Variants in ZNF217 observed in about 807,000 individuals in gnomAD.
ZNF217 encodes zinc finger protein 217.
Under a neutral mutation model 73.3 loss-of-function variants are expected in ZNF217, and 12 were observed. That is an observed-to-expected ratio of 0.16 (90% CI 0.10 to 0.27). ZNF217 has a LOEUF of 0.27. Among genes scored for constraint, ZNF217 ranks in the 10% least tolerant of loss-of-function variants. The pLI, the probability that ZNF217 is intolerant of heterozygous loss-of-function variation, is 1.00. For synonymous variants in ZNF217, 588 were observed against 516.4 expected, an observed-to-expected ratio of 1.14 and a Z score of -1.88; for missense variants, 1,195 against 1,327.8, an observed-to-expected ratio of 0.90 and a Z score of 1.55.
At chr20:53,580,751 C>G (rs1988450989) in intron 2 of ZNF217, among the ~76,000 whole-genome samples, 1 of 152,112 alleles carries the variant, frequency 6.6e-6, no homozygotes, top group Admixed American at 6.5e-5. Flanking sequence ...CCTGAGGTAC[C>G]TATAAATGGA....
In ZNF217 at chr20:53,581,256, C is replaced by G. The variant is rs1457126305; in HGVS notation, c.1366+205G>C. 2.0e-5 allele frequency among the ~76,000 whole-genome samples: 3 copies of G among 151,916 alleles called. No homozygotes were observed. The highest frequency in any genetic ancestry group is 4.4e-5 in the Non-Finnish European group (3 of 67,974). On this transcript the variant is annotated intron_variant, in intron 2 of 5. Coordinates refer to ENST00000371471, the MANE Select transcript of ZNF217 (RefSeq NM_006526.3). The surrounding 1 kb of genome is among the most constrained non-coding windows in gnomAD (Gnocchi z 4.9). ...GAACAAGGAGACCTCTTAACTCAAC[C>G]CTGTTATTACAGAAATGAGAAAATT...
chr20:53,576,133 G>A lies in ZNF217; in HGVS notation c.2631C>T (p.Asn877=), dbSNP rs756061380. 6.2e-7 allele frequency: 1 copy of A among 1,614,226 alleles called. No individual in the cohort carries two copies. Among genetic ancestry groups the A allele is most frequent in the African/African-American group, 1.3e-5 (1 of 75,052 alleles). ...APSQPTLGSS[N]INGSIDYPAK... ...CGGGGTAGTCGATGGAACCATTGAT[G>A]TTACTGCTGCCGAGGGTGGGCTGAG... is the stretch of plus-strand genomic sequence containing the variant. The change falls in exon 4 of 6, where the codon AAC becomes AAT. Residue 877 remains asparagine (N), a synonymous_variant. Coordinates refer to ENST00000371471, the MANE Select transcript of ZNF217 (RefSeq NM_006526.3).
At chr20:53,577,462 C>T (rs957993057) in intron 3 of ZNF217, among the ~76,000 whole-genome samples, 182 bp from the exon 4 acceptor site, 5 of 152,172 alleles carry the variant, frequency 3.3e-5, no homozygotes, top group African/African-American at 1.2e-4. Flanking sequence ...ATTATGAATG[C>T]CTATCTTCAA....
chr20:53,582,072 T>G lies in ZNF217; in HGVS notation c.755A>C (p.Asp252Ala). 1 of 1,614,086 alleles carries G rather than the reference T, an allele frequency of 6.2e-7. No individual in the cohort carries two copies. The highest frequency in any genetic ancestry group is 8.5e-7 in the Non-Finnish European group (1 of 1,180,010). Residue 252 changes from aspartate (D) to alanine (A), a missense_variant, in exon 2 of 6, where the codon GAC becomes GCC. This residue lies in a region of ZNF217 where 126 missense variants were observed against 114.4 expected (regional missense o/e 1.10). Transcript: ENST00000371471. The surrounding 1 kb of genome is among the most constrained non-coding windows in gnomAD (Gnocchi z 4.8). ...GGACGGCATTCCTCCTTGTGGAGAG[T>G]CTGTCTGCGCGCTGCTGGTACCGAA... ...TAFGTSSAQT[D>A]SPQGGMPSSR...
Position 53,576,093 on chromosome 20 carries a change from G to A in ZNF217, c.2671C>T (p.Pro891Ser), listed in dbSNP as rs960317757. ...TAGTCTCTTCCCGGAGGTGCCCACGGGCTGTCGTTCTTGGCGGGGTAGTCG... is the reference window on the plus strand; with the variant it reads ...TAGTCTCTTCCCGGAGGTGCCCACGAGCTGTCGTTCTTGGCGGGGTAGTCG... ...SIDYPAKNDS[P>S]WAPPGRDYFC... The change falls in exon 4 of 6, where the codon CCG (proline) becomes TCG (serine). Residue 891 changes from proline (P) to serine (S), a missense_variant. By Grantham distance (74) the Pro-to-Ser change is moderately conservative. Coordinates refer to ENST00000371471, the MANE Select transcript of ZNF217 (RefSeq NM_006526.3). 6.2e-7 allele frequency: 1 copy of A among 1,614,184 alleles called. No individual in the cohort carries two copies. Among genetic ancestry groups the A allele is most frequent in the Non-Finnish European group, 8.5e-7 (1 of 1,180,038 alleles).
At chr20:53,579,362 T>C (rs1345870956) in intron 2 of ZNF217, among the ~76,000 whole-genome samples, 1 of 152,200 alleles carries the variant, frequency 6.6e-6, no homozygotes, top group Non-Finnish European at 1.5e-5. Context: ...TGATGATCTA[T>C]ATAGTGTCTA....
chr20:53,593,002 A>G (rs1295213488), intron 1 of ZNF217, among the ~76,000 whole-genome samples: 1 of 151,882 alleles, frequency 6.6e-6, no homozygotes, highest in Non-Finnish European at 1.5e-5. Context: ...GAACATTAAG[A>G]CTTAAAAAAA....
At chr20:53,592,180 G>A (rs1195700946) in intron 1 of ZNF217, among the ~76,000 whole-genome samples, 2 of 152,176 alleles carry the variant, frequency 1.3e-5, no homozygotes, top group Non-Finnish European at 2.9e-5. Context: ...TAGCTACGCT[G>A]TAGGACACAC....
At chr20:53,593,285 C>G (rs548140224) in intron 1 of ZNF217, among the ~76,000 whole-genome samples, 2 of 152,280 alleles carry the variant, frequency 1.3e-5, no homozygotes, top group East Asian at 3.9e-4. Flanking sequence ...ATTGTTTTGG[C>G]CGCTTCCAAC....
intron 1 of ZNF217, among the ~76,000 whole-genome samples, chr20:53,592,045 G>A (rs1225760319): frequency 1.3e-5 from 2 of 152,230 alleles, no homozygotes; most frequent in African/African-American, 4.8e-5. Context: ...TTAATCTCAT[G>A]TCAAGTCATT....
At chr20:53,573,593 G>A (rs760858370) in intron 4 of ZNF217, among the ~76,000 whole-genome samples, 2 of 152,090 alleles carry the variant, frequency 1.3e-5, no homozygotes, top group Non-Finnish European at 2.9e-5. Flanking sequence ...CAAACAGTTC[G>A]GATTACAGGT....
At position 53,576,275 on chromosome 20, in the gene ZNF217, T is replaced by C; in HGVS notation, c.2489A>G (p.Gln830Arg). The change falls in exon 4 of 6, where the codon CAA (glutamine) becomes CGA (arginine). Residue 830 changes from glutamine (Q) to arginine (R), a missense_variant. Around this residue, in one of 9 missense-constraint regions of ZNF217, gnomAD observed 649 missense variants for 642.8 expected, o/e 1.01. Coordinates refer to ENST00000371471, the MANE Select transcript of ZNF217 (RefSeq NM_006526.3). ...SHRPQQNVGV[Q>R]GAATRQQQSE... The stretch of plus-strand genomic sequence containing the variant: ...TTGCTGTTGCCTGGTGGCGGCCCCT[T>C]GGACCCCCACATTCTGCTGTGGTCT... 6.2e-7 allele frequency: 1 copy of C among 1,614,258 alleles called. No homozygotes were observed. Among genetic ancestry groups the C allele is most frequent in the Non-Finnish European group, 8.5e-7 (1 of 1,180,044 alleles).
At chr20:53,584,493 G>C (rs1988618557) in intron 1 of ZNF217, among the ~76,000 whole-genome samples, 1 of 152,216 alleles carries the variant, frequency 6.6e-6, no homozygotes, top group Non-Finnish European at 1.5e-5. Context: ...TCAAGGATTA[G>C]GGTAAAGGAA....
In ZNF217 at chr20:53,582,110, G is replaced by A. The variant is rs757476321; in HGVS notation, c.717C>T (p.Thr239=). The change falls in exon 2 of 6, where the codon ACC becomes ACT. Residue 239 remains threonine, a synonymous_variant. Coordinates refer to ENST00000371471, the MANE Select transcript of ZNF217 (RefSeq NM_006526.3). This position sits in a 1 kb window ranked among gnomAD's most constrained non-coding sequence, Gnocchi z 4.8. ...TGCTGGTACCGAAAGCAGTTTTTTT[G>A]GTGTGCACCTTGCGGTGCTCAATTA... The part of the protein sequence containing the change: ...ESLIEHRKVH[T]KKTAFGTSSA... 3 of 1,614,132 alleles carry A rather than the reference G, an allele frequency of 1.9e-6. No homozygotes were observed. The highest frequency in any genetic ancestry group is 1.7e-5 in the Admixed American group (1 of 60,014).
intron 1 of ZNF217, among the ~76,000 whole-genome samples, chr20:53,587,239 A>T (rs147543861): frequency 1.6e-4 from 25 of 152,318 alleles, no homozygotes; most frequent in African/African-American, 5.8e-4. Context: ...TAGAAGTGTG[A>T]TGTTCTTTAG....
intron 4 of ZNF217, among the ~76,000 whole-genome samples, chr20:53,573,287 C>T (rs1321177583): frequency 6.6e-6 from 1 of 152,112 alleles, no homozygotes; most frequent in African/African-American, 2.4e-5. Flanking sequence ...CCACACCCAG[C>T]TAATTTTGTA....
intron 2 of ZNF217, 57 bp from the exon 3 acceptor site, chr20:53,578,507 G>T: frequency 9.4e-7 from 1 of 1,069,474 alleles, no homozygotes; most frequent in Non-Finnish European, 1.3e-6. Context: ...CCTGAATAAG[G>T]CATGCTGACT....
Position 53,568,336 on chromosome 20 carries a change from TG to T in ZNF217, c.*951del, listed in dbSNP as rs1987832736. ...ATTCACAGATATAATTTAGCATTTT[TG>T]TTTTTATATACTAATTTAGGCAAAA... is the stretch of plus-strand genomic sequence containing the variant. On this transcript the variant is annotated 3_prime_UTR_variant, in exon 6 of 6. Coordinates refer to ENST00000371471, the MANE Select transcript of ZNF217 (RefSeq NM_006526.3). 6.6e-6 allele frequency: 1 copy of T among 152,200 alleles called. No homozygotes were observed. The highest frequency in any genetic ancestry group is 1.5e-5 in the Non-Finnish European group (1 of 68,042). 9.4% of individuals were successfully genotyped at this position (152,200 alleles called of 1,614,324 possible).
chr20:53,588,467 G>A (rs576004608), intron 1 of ZNF217, among the ~76,000 whole-genome samples: 1 of 151,710 alleles, frequency 6.6e-6, no homozygotes, highest in East Asian at 1.9e-4. Context: ...GTAAAAATTT[G>A]ACAGGCCTAA....
Sources: allele counts gnomAD v4.1 joint callset (sites outside exome capture counted in the v4.1 genomes callset), GRCh38; gene constraint gnomAD v4.1.1; regional missense constraint gnomAD v4.1.1; non-coding constraint Gnocchi (gnomAD v3.1); transcripts MANE v1.5; gene names NCBI Gene and HGNC (gene_info 2026-07-23, HGNC 2026-07-21).